The following TCERG1 variants were observed in gnomAD, a reference collection of about 807,000 sequenced individuals.
The protein encoded by TCERG1 is transcription elongation regulator 1, also known as TATA box binding protein (TBP)-associated factor, RNA polymerase II, S, 150kD.
A neutral mutation model predicts 144.7 loss-of-function variants in TCERG1; 37 were observed. The observed-to-expected ratio is 0.26, with a 90% CI of 0.20 to 0.34. TCERG1 has a LOEUF of 0.34. TCERG1 is among the 10% of genes least tolerant of loss of function. The pLI, the probability that TCERG1 is intolerant of heterozygous loss-of-function variation, is 1.00. For synonymous variants in TCERG1, 492 were observed against 458.2 expected (o/e 1.07, Z -0.94); for missense variants, 1,027 against 1,380.7 (o/e 0.74, Z 4.06).
At chr5:146,492,866 T>C in intron 15 of TCERG1, 54 bp from the exon 16 acceptor site, 2 of 1,297,850 alleles carry the variant, frequency 1.5e-6, no homozygotes, top group Non-Finnish European at 2.2e-6. Flanking sequence ...AATTTGGTAG[T>C]TAAATTACCT....
chr5:146,509,412 C>CTT lies in TCERG1; in HGVS notation c.3146+180_3146+181dup, dbSNP rs375876511. ...TCAAATACAGCCCATATCTACCATA[C>CTT]TTTTTTTTTTTTTTAAAGAAAGGGC... is the stretch of plus-strand genomic sequence containing the variant. On this transcript the variant is annotated intron_variant, in intron 22 of 22. Transcript: ENST00000679501. Among the ~76,000 whole-genome samples, 78 of 140,684 alleles carry CTT rather than the reference C, an allele frequency of 5.5e-4. 1 individual carries two copies. Among genetic ancestry groups the CTT allele is most frequent in the East Asian group, 2.9e-3 (14 of 4,854 alleles). 92.3% of individuals were successfully genotyped at this position (140,684 alleles called of 152,430 possible).
Position 146,511,733 on chromosome 5 carries a change from C to T in TCERG1, c.*1091C>T, listed in dbSNP as rs1388887035. On this transcript the variant is annotated 3_prime_UTR_variant, in exon 23 of 23. Coordinates refer to ENST00000679501, the MANE Select transcript of TCERG1 (RefSeq NM_001382548.1). ...AAGTCTCTTAGCAGTGCCTTATTGC[C>T]TCATAGCAAGAAGATGCTGGGGTTT... 6.6e-6 allele frequency: 1 copy of T among 152,154 alleles called. No homozygotes were observed. Among genetic ancestry groups the T allele is most frequent in the Non-Finnish European group, 1.5e-5 (1 of 68,008 alleles). 9.4% of individuals were successfully genotyped at this position (152,154 alleles called of 1,614,324 possible). A position where few individuals can be genotyped will look rare whatever the true frequency, so the allele number is the denominator to read the frequency against.
intron 14 of TCERG1, 38 bp downstream of exon 14, chr5:146,482,765 G>T (rs769827153): frequency 5.8e-6 from 9 of 1,560,208 alleles, no homozygotes; most frequent in Admixed American, 5.5e-5. Flanking sequence ...TTTCTGTTTT[G>T]TATAAGTAAT....
In TCERG1 at chr5:146,511,023, G is replaced by A. The variant is rs568351825; in HGVS notation, c.*381G>A. 3 of 158,556 alleles carry A rather than the reference G, an allele frequency of 1.9e-5. No individual in the cohort carries two copies. Among genetic ancestry groups the A allele is most frequent in the South Asian group, 4.1e-4 (2 of 4,876 alleles). 9.8% of individuals were successfully genotyped at this position (158,556 alleles called of 1,614,324 possible). The stretch of plus-strand genomic sequence containing the variant: ...AATACCACAGACTCCAAGAAAACCC[G>A]AGTTGGGGTTTGTTTTGTTTTGATT... On this transcript the variant is annotated 3_prime_UTR_variant, in exon 23 of 23. Coordinates refer to ENST00000679501, the MANE Select transcript of TCERG1 (RefSeq NM_001382548.1).
At chr5:146,477,069 T>TA (rs1461568049) in intron 9 of TCERG1, among the ~76,000 whole-genome samples, 1 of 152,232 alleles carries the variant, frequency 6.6e-6, no homozygotes, top group Non-Finnish European at 1.5e-5. Context: ...CATGCCCAGC[T>TA]GATCCATCTT....
chr5:146,468,298 C>A (rs375804788), intron 5 of TCERG1, 43 bp from the exon 6 acceptor site: 2 of 1,468,332 alleles, frequency 1.4e-6, no homozygotes, highest in East Asian at 2.5e-5. Flanking sequence ...AGCCGACATA[C>A]AATGGCAGCT....
Position 146,454,207 on chromosome 5 carries a change from A to AAAAAGAAAAG in TCERG1, c.60-840_60-831dup, listed in dbSNP as rs58688212. On this transcript the variant is annotated intron_variant, in intron 1 of 22. Coordinates refer to ENST00000679501, the MANE Select transcript of TCERG1 (RefSeq NM_001382548.1). ...AGAGTGAGACTTGGTCTCAAAAAAA[A>AAAAAGAAAAG]AAAAGAAAAGAAAAGAAAGAACATT... Among the ~76,000 whole-genome samples the AAAAAGAAAAG allele has an allele frequency of 5.3e-4, 80 of 149,754 alleles. 1 individual carries two copies. The highest frequency in any genetic ancestry group is 1.9e-3 in the African/African-American group (79 of 40,746).
At chr5:146,459,801 C>T (rs1005769650) in intron 4 of TCERG1, among the ~76,000 whole-genome samples, 9 of 152,170 alleles carry the variant, frequency 5.9e-5, no homozygotes, top group East Asian at 1.9e-4. Flanking sequence ...ATGAAGGAAA[C>T]GGAGTAGGGT....
intron 22 of TCERG1, 56 bp from the exon 23 acceptor site, chr5:146,510,385 C>A: frequency 8.4e-7 from 1 of 1,189,584 alleles, no homozygotes; most frequent in Non-Finnish European, 1.2e-6. Flanking sequence ...CAGCTCATTT[C>A]TGAAAGACCT....
At chr5:146,480,224 TAATA>T (rs1448390678) in intron 12 of TCERG1, 130 bp downstream of exon 12, 2 of 586,860 alleles carry the variant, frequency 3.4e-6, no homozygotes, top group Non-Finnish European at 5.8e-6. Context: ...TTAGGCCTGA[TAATA>T]AATAGCTTTG....
intron 6 of TCERG1, 132 bp downstream of exon 6, chr5:146,468,535 A>G (rs541502906): frequency 1.4e-6 from 1 of 704,992 alleles, no homozygotes. Flanking sequence ...AATGAGCAGT[A>G]TAAATGCAGT....
chr5:146,468,539 A>C (rs1355608080), intron 6 of TCERG1, 136 bp downstream of exon 6: 1 of 683,202 alleles, frequency 1.5e-6, no homozygotes, highest in African/African-American at 1.9e-5. Flanking sequence ...AGCAGTATAA[A>C]TGCAGTTGTC....
chr5:146,495,886 G>T (rs1002727159), intron 16 of TCERG1, among the ~76,000 whole-genome samples: 10 of 152,188 alleles, frequency 6.6e-5, no homozygotes, highest in Non-Finnish European at 1.5e-4. Flanking sequence ...CAGGCGCAGT[G>T]GCTCGCGCCT....
chr5:146,500,633 G>A (rs1240097763), intron 17 of TCERG1, among the ~76,000 whole-genome samples: 2 of 152,128 alleles, frequency 1.3e-5, no homozygotes, highest in Non-Finnish European at 1.5e-5. Flanking sequence ...TTCTTAAGTA[G>A]CATTTTGACG....
intron 15 of TCERG1, among the ~76,000 whole-genome samples, chr5:146,490,284 AT>A (rs1262909820): frequency 6.6e-6 from 1 of 152,174 alleles, no homozygotes; most frequent in African/African-American, 2.4e-5. Flanking sequence ...TGGTAGACAT[AT>A]GTGGATTGAC....
intron 3 of TCERG1, among the ~76,000 whole-genome samples, chr5:146,458,239 G>A (rs1273766070): frequency 6.7e-6 from 1 of 150,090 alleles, no homozygotes; most frequent in Non-Finnish European, 1.5e-5. Flanking sequence ...GCAGTGGTGC[G>A]ATCTTTGGTT....
chr5:146,475,053 G>A (rs10055628), intron 9 of TCERG1, among the ~76,000 whole-genome samples: 37,205 of 151,752 alleles, frequency 0.25, 5,666 homozygotes, highest in East Asian at 0.83. Flanking sequence ...TCCTGTTCCT[G>A]CTCCAACTTA....
rs1282213875 is a variant in TCERG1, at chr5:146,457,164, T to C, written c.286-19T>C. ...GAAAAGTAATTAAAGTGACCATTACTGTTTTTGTGAATTAACAGAGACCAC... is the reference window on the plus strand; with the variant it reads ...GAAAAGTAATTAAAGTGACCATTACCGTTTTTGTGAATTAACAGAGACCAC... On this transcript the variant is annotated intron_variant, in intron 2 of 22. Coordinates refer to ENST00000679501, the MANE Select transcript of TCERG1 (RefSeq NM_001382548.1). 1.2e-6 allele frequency: 2 copies of C among 1,608,468 alleles called. No individual in the cohort carries two copies. The highest frequency in any genetic ancestry group is 2.7e-5 in the African/African-American group (2 of 74,700).
chr5:146,508,942 T>G (rs1339675358), intron 21 of TCERG1, among the ~76,000 whole-genome samples: 3 of 152,236 alleles, frequency 2.0e-5, no homozygotes, highest in Non-Finnish European at 4.4e-5. Flanking sequence ...CCTCATTCTT[T>G]CTATTTGCCG....
Sources: allele counts gnomAD v4.1 joint callset (sites outside exome capture counted in the v4.1 genomes callset), GRCh38; gene constraint gnomAD v4.1.1; transcripts MANE v1.5; gene names NCBI Gene and HGNC (gene_info 2026-07-23, HGNC 2026-07-21).